The following MAFK variants were observed in gnomAD, a reference collection of about 807,000 sequenced individuals.
The protein encoded by MAFK is transcription factor MafK.
MAFK carries 1 observed loss-of-function variant against 9.2 expected under a neutral mutation model. The ratio of observed to expected loss-of-function variants is 0.11; its 90% CI spans 0.04 to 0.52. The LOEUF is 0.52. Among genes scored for constraint, MAFK ranks in the 20% least tolerant of loss-of-function variants. MAFK has a pLI of 0.94. For missense variants in MAFK, 207 were observed against 236.0 expected (o/e 0.88, Z 0.81); for synonymous variants, 110 against 107.4 (o/e 1.02, Z -0.15).
rs1007268033 is a variant in MAFK at position 1,538,444 on chromosome 7, C to T, written c.-44-705C>T. 22 of 943,866 alleles carry T rather than the reference C, an allele frequency of 2.3e-5. No homozygotes were observed. The African/African-American group carries it at 3.6e-4, about 15-fold the overall frequency. The allele number at this position is 943,866 out of a possible 1,614,324, so 58.5% of individuals were successfully genotyped here. A position where few individuals can be genotyped will look rare whatever the true frequency, so the allele number is the denominator to read the frequency against. On this transcript the variant is annotated intron_variant, in intron 1 of 2. Transcript: ENST00000343242. ...GGAGGTGGTGATGTCACAGCCGCAG[C>T]GGCCAGGGCCGTGGTAGGTGTCCCG...
Position 1,542,521 on chromosome 7 carries a change from T to C in MAFK, c.*2146T>C, listed in dbSNP as rs1583206423. The C allele has an allele frequency of 6.6e-6, 1 of 152,330 alleles. No homozygotes were observed. The highest frequency in any genetic ancestry group is 2.4e-5 in the African/African-American group (1 of 41,468). 9.4% of individuals were successfully genotyped at this position (152,330 alleles called of 1,614,324 possible). On this transcript the variant is annotated 3_prime_UTR_variant, in exon 3 of 3. Transcript: ENST00000343242. Reference sequence around the variant, plus strand: ...TGGGCCGTGGGCTTCTACCTGCCCTTGGCCTGCAGTGCTTTGCTGGAGAAG... The same window carrying C: ...TGGGCCGTGGGCTTCTACCTGCCCTCGGCCTGCAGTGCTTTGCTGGAGAAG...
At chr7:1,531,270 G>A (rs1415237262) in intron 1 of MAFK, among the ~76,000 whole-genome samples, 1 of 150,344 alleles carries the variant, frequency 6.7e-6, no homozygotes, top group South Asian at 2.1e-4. Flanking sequence ...GGGGCGGGGC[G>A]GGGCGGGCGC....
chr7:1,540,407 G>T lies in MAFK; in HGVS notation c.*32G>T, dbSNP rs749520912. ...CCGGGGGCGGGGGGTGGCGGGCGGC[G>T]GGCGGCGGGCAGGCGGGTGGGGGCA... On this transcript the variant is annotated 3_prime_UTR_variant, in exon 3 of 3. Coordinates refer to ENST00000343242, the MANE Select transcript of MAFK (RefSeq NM_002360.4). 7.4e-7 allele frequency: 1 copy of T among 1,358,388 alleles called. No homozygotes were observed. The highest frequency in any genetic ancestry group is 2.7e-5 in the Admixed American group (1 of 37,732). The allele number at this position is 1,358,388 out of a possible 1,614,324, so 84.1% of individuals were successfully genotyped here.
intron 2 of MAFK, 26 bp from the exon 3 acceptor site, chr7:1,539,915 G>A (rs1312985091): frequency 1.0e-5 from 15 of 1,486,522 alleles, no homozygotes; most frequent in African/African-American, 4.2e-5. Context: ...TTCTCCCGCC[G>A]CTGACCCCGC....
rs1212070180 is a variant in MAFK at position 1,542,915 on chromosome 7, A to G, written c.*2540A>G. On this transcript the variant is annotated 3_prime_UTR_variant, in exon 3 of 3. Transcript: ENST00000343242. ...TGATATAAATTATTGAAAACAGATC[A>G]CATGTGGGCCCGTGTCTGGCCGCCG... 1.2e-4 allele frequency: 18 copies of G among 152,708 alleles called. No individual in the cohort carries two copies. Among genetic ancestry groups the G allele is most frequent in the Non-Finnish European group, 1.5e-5 (1 of 68,080 alleles). 9.5% of individuals were successfully genotyped at this position (152,708 alleles called of 1,614,324 possible). A position where few individuals can be genotyped will look rare whatever the true frequency, so the allele number is the denominator to read the frequency against.
In MAFK at chr7:1,541,291, CTG is replaced by C. The variant is rs1718028868; in HGVS notation, c.*922_*923del. On this transcript the variant is annotated 3_prime_UTR_variant, in exon 3 of 3. Transcript: ENST00000343242. ...CATTTGACGGTGAGCAGGACTCAGG[CTG>C]TGTGTCCTGGAGCTACTTCTCACCA... The C allele has an allele frequency of 6.5e-6, 1 of 152,834 alleles. No homozygotes were observed. The highest frequency in any genetic ancestry group is 1.9e-4 in the East Asian group (1 of 5,170). The allele number at this position is 152,834 out of a possible 1,614,324, so 9.5% of individuals were successfully genotyped here. A position where few individuals can be genotyped will look rare whatever the true frequency, so the allele number is the denominator to read the frequency against.
chr7:1,539,538 C>G (rs372079991), intron 2 of MAFK, among the ~76,000 whole-genome samples: 4 of 11,726 alleles, frequency 3.4e-4, no homozygotes, highest in Non-Finnish European at 5.4e-4. Flanking sequence ...GGCAGCGTGG[C>G]CAGCGTGGCC....
chr7:1,539,166 C>T lies in MAFK; in HGVS notation c.-27C>T. The T allele has an allele frequency of 6.2e-7, 1 of 1,613,116 alleles. No homozygotes were observed. Among genetic ancestry groups the T allele is most frequent in the Non-Finnish European group, 8.5e-7 (1 of 1,179,550 alleles). On this transcript the variant is annotated 5_prime_UTR_variant, in exon 2 of 3. Transcript: ENST00000343242. Reference sequence around the variant, plus strand: ...TTTTCCAGCTACGAGTTCCAGGGAGCTCTGTCCTGGTGACCGTGCCCGGGT... The same window carrying T: ...TTTTCCAGCTACGAGTTCCAGGGAGTTCTGTCCTGGTGACCGTGCCCGGGT...
intron 1 of MAFK, among the ~76,000 whole-genome samples, chr7:1,535,939 C>G (rs932870105): frequency 6.6e-6 from 1 of 152,270 alleles, no homozygotes; most frequent in African/African-American, 2.4e-5. Flanking sequence ...TTGCCTCTGT[C>G]TGAGGCTGCT....
chr7:1,533,951 A>G, intron 1 of MAFK: 1 of 287,606 alleles, frequency 3.5e-6, no homozygotes, highest in South Asian at 2.9e-5. Flanking sequence ...CGGGGACTGG[A>G]GGGGGTGTGG....
chr7:1,531,205 C>G (rs1241893866), intron 1 of MAFK, among the ~76,000 whole-genome samples: 2 of 149,424 alleles, frequency 1.3e-5, no homozygotes, highest in East Asian at 4.0e-4. Flanking sequence ...CCTGGGAGGA[C>G]GAGGATCCAC....
intron 1 of MAFK, chr7:1,537,455 A>G: frequency 1.0e-6 from 1 of 985,560 alleles, no homozygotes; most frequent in African/African-American, 1.7e-5. Flanking sequence ...CTGACATGGA[A>G]AAGTTTCTCA....
In MAFK at chr7:1,539,234, G is replaced by T. The variant is rs530264489; in HGVS notation, c.36+6G>T. ...AACCGAATAAGGCATTAAAGGTAAGGCTGGTTCCAAGCAGGCCCCGTCTCA... is the reference window on the plus strand; with the variant it reads ...AACCGAATAAGGCATTAAAGGTAAGTCTGGTTCCAAGCAGGCCCCGTCTCA... On this transcript the variant is annotated splice_donor_region_variant and intron_variant, in intron 2 of 2. Transcript: ENST00000343242. The T allele has an allele frequency of 2.0e-5, 33 of 1,609,856 alleles. No individual in the cohort carries two copies. In the East Asian group the frequency reaches 6.7e-4, roughly 33 times the overall value.
rs1784232378 is a variant in MAFK at position 1,542,913 on chromosome 7, T to C, written c.*2538T>C. ...CATGATATAAATTATTGAAAACAGA[T>C]CACATGTGGGCCCGTGTCTGGCCGC... On this transcript the variant is annotated 3_prime_UTR_variant, in exon 3 of 3. Coordinates refer to ENST00000343242, the MANE Select transcript of MAFK (RefSeq NM_002360.4). 1.3e-5 allele frequency: 2 copies of C among 152,678 alleles called. No individual in the cohort carries two copies. Among genetic ancestry groups the C allele is most frequent in the Admixed American group, 1.3e-4 (2 of 15,286 alleles). 9.5% of individuals were successfully genotyped at this position (152,678 alleles called of 1,614,324 possible).
At chr7:1,537,407 C>T (rs921636907) in intron 1 of MAFK, 23 of 985,390 alleles carry the variant, frequency 2.3e-5, no homozygotes, top group African/African-American at 1.0e-4. Flanking sequence ...CTGACGTGCT[C>T]GCAGTGGAGC....
At chr7:1,535,976 T>C (rs1414313791) in intron 1 of MAFK, among the ~76,000 whole-genome samples, 2 of 152,206 alleles carry the variant, frequency 1.3e-5, no homozygotes, top group East Asian at 1.9e-4. Flanking sequence ...TGAGAGGAAG[T>C]GATGCCCCCG....
intron 1 of MAFK, among the ~76,000 whole-genome samples, chr7:1,537,151 A>C (rs1784050641): frequency 6.6e-6 from 1 of 152,244 alleles, no homozygotes; most frequent in African/African-American, 2.4e-5. Context: ...TTTAGTGGAA[A>C]GATCCCCACG....
intron 1 of MAFK, among the ~76,000 whole-genome samples, chr7:1,536,292 G>A (rs1784027064): frequency 6.6e-6 from 1 of 152,314 alleles, no homozygotes; most frequent in Middle Eastern, 3.4e-3. Flanking sequence ...GGGTGCTTGT[G>A]CGTGGCGATG....
At position 1,532,389 on chromosome 7, in the gene MAFK, CAGTAGGAATGTCTG is replaced by C. The variant is rs1457416258; in HGVS notation, c.-45+1495_-45+1508del. The stretch of plus-strand genomic sequence containing the variant: ...GAACATCTCCCTTTCTTAGGTAACC[CAGTAGGAATGTCTG>C]AGTTTGACCTTGGGAGAGGGAGTCT... On this transcript the variant is annotated intron_variant, in intron 1 of 2. Transcript: ENST00000343242. The surrounding 1 kb of genome is among the most constrained non-coding windows in gnomAD (Gnocchi z 4.5). 2.6e-5 allele frequency among the ~76,000 whole-genome samples: 4 copies of C among 152,210 alleles called. No homozygotes were observed. Among genetic ancestry groups the C allele is most frequent in the African/African-American group, 9.7e-5 (4 of 41,440 alleles).
Sources: gnomAD v4.1 joint callset for allele counts (sites outside exome capture counted in the v4.1 genomes callset) on GRCh38, gnomAD v4.1.1 for gene constraint, Gnocchi (gnomAD v3.1) non-coding constraint, MANE v1.5 for transcripts, NCBI Gene and HGNC (gene_info 2026-07-23, HGNC 2026-07-21) for gene names.